The following SDF4 variants were observed in gnomAD, a reference collection of about 807,000 sequenced individuals.
The protein encoded by SDF4 is 45 kDa calcium-binding protein.
SDF4 carries 22 observed loss-of-function variants against 34.2 expected under a neutral mutation model. The ratio of observed to expected loss-of-function variants is 0.64; its 90% CI spans 0.46 to 0.92. SDF4 has a LOEUF of 0.92. Ranked by LOEUF, SDF4 falls within the 40% of genes least tolerant of loss-of-function variation. The probability of loss-of-function intolerance (pLI) is 0.00; values close to 1 mark genes in which losing one functional copy is unlikely to be tolerated. For missense variants in SDF4, 447 were observed against 499.9 expected, an observed-to-expected ratio of 0.89 and a Z score of 1.01; for synonymous variants, 236 against 203.1, an observed-to-expected ratio of 1.16 and a Z score of -1.38.
Position 1,228,820 on chromosome 1 carries a change from G to T in SDF4, c.-48C>A. 1 of 1,532,104 alleles carries T rather than the reference G, an allele frequency of 6.5e-7. No homozygotes were observed. The allele number at this position is 1,532,104 out of a possible 1,614,324, so 94.9% of individuals were successfully genotyped here. A position where few individuals can be genotyped will look rare whatever the true frequency, so the allele number is the denominator to read the frequency against. On this transcript the variant is annotated 5_prime_UTR_variant, in exon 2 of 7. Coordinates refer to ENST00000360001, the MANE Select transcript of SDF4 (RefSeq NM_016176.6). The stretch of plus-strand genomic sequence containing the variant: ...GGGCGGGCTGCAGGGTGTGGGCCAG[G>T]TGCTGGGAGGGGCAGGGGCAGGGGC...
chr1:1,218,977 C>A lies in SDF4; in HGVS notation c.557-50G>T. 6.2e-7 allele frequency: 1 copy of A among 1,612,528 alleles called. No individual in the cohort carries two copies. The highest frequency in any genetic ancestry group is 8.5e-7 in the Non-Finnish European group (1 of 1,179,826). On this transcript the variant is annotated intron_variant, in intron 4 of 6. Transcript: ENST00000360001. This position sits in a 1 kb window ranked among gnomAD's most constrained non-coding sequence, Gnocchi z 7.9. ...ATCGAGGCCGACAGACGCCAGCACG[C>A]AAATCCAGAAAGTTCCGAGAGGTGC...
At position 1,220,635 on chromosome 1, in the gene SDF4, G is replaced by A. The variant is rs575485169; in HGVS notation, c.557-1708C>T. ...CAGCATGCATGGGGACCCCCAAAAC[G>A]CAGAGTGAATTCTAAACACACCTCT... is the stretch of plus-strand genomic sequence containing the variant. On this transcript the variant is annotated intron_variant, in intron 4 of 6. Coordinates refer to ENST00000360001, the MANE Select transcript of SDF4 (RefSeq NM_016176.6). 183 of 1,289,196 alleles carry A rather than the reference G, an allele frequency of 1.4e-4. 1 individual carries two copies. The highest frequency in any genetic ancestry group is 2.3e-4 in the Admixed American group (10 of 43,556). The allele number at this position is 1,289,196 out of a possible 1,614,324, so 79.9% of individuals were successfully genotyped here.
rs1358099743 is a variant in SDF4, at chr1:1,228,807, G to A, written c.-35C>T. ...GGGCCAGACCATGGGGCGGGCTGCAGGGTGTGGGCCAGGTGCTGGGAGGGG... is the reference window on the plus strand; with the variant it reads ...GGGCCAGACCATGGGGCGGGCTGCAAGGTGTGGGCCAGGTGCTGGGAGGGG... On this transcript the variant is annotated 5_prime_UTR_variant, in exon 2 of 7. Coordinates refer to ENST00000360001, the MANE Select transcript of SDF4 (RefSeq NM_016176.6). 9 of 1,568,658 alleles carry A rather than the reference G, an allele frequency of 5.7e-6. No homozygotes were observed. Among genetic ancestry groups the A allele is most frequent in the Middle Eastern group, 1.7e-4 (1 of 5,810 alleles).
chr1:1,229,802 C>G (rs557938816), intron 1 of SDF4, among the ~76,000 whole-genome samples: 8 of 152,330 alleles, frequency 5.3e-5, no homozygotes, highest in South Asian at 2.1e-4. Context: ...CCCTCTCCCC[C>G]CGACTGACCA....
chr1:1,219,289 C>G lies in SDF4; in HGVS notation c.557-362G>C, dbSNP rs897088247. The G allele has an allele frequency of 4.2e-6, 5 of 1,179,438 alleles. No individual in the cohort carries two copies. In the African/African-American group the frequency reaches 6.5e-5, roughly 15 times the overall value. 73.1% of individuals were successfully genotyped at this position (1,179,438 alleles called of 1,614,324 possible). ...AGACCCCCAGGACATGGCCTGGACC[C>G]CCCACACAGCCCAGACCTCTCAAGA... On this transcript the variant is annotated intron_variant, in intron 4 of 6. Coordinates refer to ENST00000360001, the MANE Select transcript of SDF4 (RefSeq NM_016176.6).
chr1:1,217,498 G>C lies in SDF4; in HGVS notation c.*14C>G, dbSNP rs1649583677. 5.2e-6 allele frequency: 8 copies of C among 1,545,746 alleles called. No individual in the cohort carries two copies. In the Middle Eastern group the frequency reaches 1.1e-3, roughly 213 times the overall value. ...GGTGGTGCGTGGGGGGCGGCGCGGG[G>C]CGCGGCCGGGCGCTCAAAACTCCTC... On this transcript the variant is annotated 3_prime_UTR_variant, in exon 7 of 7. Transcript: ENST00000360001. This position sits in a 1 kb window ranked among gnomAD's most constrained non-coding sequence, Gnocchi z 8.5.
rs539277135 is a variant in SDF4 at position 1,223,111 on chromosome 1, GCA to G, written c.556+131_556+132del. 2.9e-4 allele frequency: 198 copies of G among 671,692 alleles called. 1 individual carries two copies. Among genetic ancestry groups the G allele is most frequent in the South Asian group, 1.4e-3 (83 of 58,684 alleles). The allele number at this position is 671,692 out of a possible 1,614,324, so 41.6% of individuals were successfully genotyped here. On this transcript the variant is annotated intron_variant, in intron 4 of 6. Coordinates refer to ENST00000360001, the MANE Select transcript of SDF4 (RefSeq NM_016176.6). Reference sequence around the variant, plus strand: ...CACAGCACACTCGTACACACGGCACGCACACACGTACTCACGAGCACACGCAC... The same window carrying G: ...CACAGCACACTCGTACACACGGCACGCACACGTACTCACGAGCACACGCAC...
intron 2 of SDF4, 115 bp from the exon 3 acceptor site, chr1:1,224,083 C>A: frequency 6.5e-7 from 1 of 1,528,036 alleles, no homozygotes; most frequent in Non-Finnish European, 8.8e-7. Flanking sequence ...CCACCAACAG[C>A]GACAGGCTCC....
intron 2 of SDF4, among the ~76,000 whole-genome samples, chr1:1,226,139 G>C (rs1332546152): frequency 6.6e-6 from 1 of 152,260 alleles, no homozygotes; most frequent in African/African-American, 2.4e-5. Context: ...ACGGGAGACA[G>C]GGCTTCCTGG....
intron 3 of SDF4, 60 bp from the exon 4 acceptor site, chr1:1,223,417 C>G: frequency 8.3e-7 from 1 of 1,200,676 alleles, no homozygotes; most frequent in Non-Finnish European, 1.2e-6. Flanking sequence ...TCCTTCTCAA[C>G]TGAGATGGGG....
chr1:1,227,902 C>A (rs1308739263), intron 2 of SDF4, among the ~76,000 whole-genome samples: 3 of 152,172 alleles, frequency 2.0e-5, no homozygotes, highest in Non-Finnish European at 4.4e-5. Context: ...GGATGGGCCA[C>A]TGACAGCACA....
At chr1:1,223,771 A>T in intron 3 of SDF4, 61 bp downstream of exon 3, 1 of 1,234,330 alleles carries the variant, frequency 8.1e-7, no homozygotes. Flanking sequence ...GGCACCAGGC[A>T]AGGCCCATGG....
chr1:1,230,968 G>T (rs755659952), intron 1 of SDF4, among the ~76,000 whole-genome samples: 1 of 152,202 alleles, frequency 6.6e-6, no homozygotes, highest in Non-Finnish European at 1.5e-5. Context: ...GCTAGTTCTT[G>T]ATTCTACATA....
At chr1:1,219,940 A>G (rs1443523493) in intron 4 of SDF4, 5 of 985,494 alleles carry the variant, frequency 5.1e-6, no homozygotes, top group Non-Finnish European at 6.0e-6. Flanking sequence ...CTCCATCTAC[A>G]CGACCGGTTC....
intron 2 of SDF4, among the ~76,000 whole-genome samples, chr1:1,224,628 T>C (rs955776147): frequency 6.6e-6 from 1 of 152,126 alleles, no homozygotes; most frequent in South Asian, 2.1e-4. Context: ...AACCTTCATA[T>C]AGGCAGGACG....
intron 1 of SDF4, among the ~76,000 whole-genome samples, chr1:1,230,155 T>A (rs1274806841): frequency 1.3e-5 from 2 of 152,164 alleles, no homozygotes; most frequent in African/African-American, 2.4e-5. Flanking sequence ...TCCTTTCGGG[T>A]GCCGCTGAGG....
intron 2 of SDF4, 49 bp from the exon 3 acceptor site, chr1:1,224,017 C>A: frequency 6.2e-7 from 1 of 1,600,040 alleles, no homozygotes; most frequent in Non-Finnish European, 8.5e-7. Flanking sequence ...GCCCCCAGGA[C>A]CCCGAACAGC....
intron 3 of SDF4, 23 bp downstream of exon 3, chr1:1,223,809 C>CCCCCCCCCCCCCCCCCCCA: frequency 1.0e-6 from 1 of 1,003,806 alleles, no homozygotes; most frequent in South Asian, 1.4e-5. Context: ...ACCGCCCCAC[C>CCCCCCCCCCCCCCCCCCCA]CACCCCGGCC....
intron 2 of SDF4, among the ~76,000 whole-genome samples, chr1:1,224,875 T>C (rs1638246027): frequency 6.6e-6 from 1 of 152,196 alleles, no homozygotes; most frequent in Non-Finnish European, 1.5e-5. Flanking sequence ...ATCACACCAC[T>C]GCACTCCAGC....
Sources: gnomAD v4.1 joint callset for allele counts (sites outside exome capture counted in the v4.1 genomes callset) on GRCh38, gnomAD v4.1.1 for gene constraint, Gnocchi (gnomAD v3.1) non-coding constraint, MANE v1.5 for transcripts, NCBI Gene and HGNC (gene_info 2026-07-23, HGNC 2026-07-21) for gene names.